RBFOX1: variants seen among roughly 807,000 people sequenced by gnomAD.
RBFOX1 encodes RNA binding protein fox-1 homolog 1.
RBFOX1 carries 8 observed loss-of-function variants against 57.7 expected under a neutral mutation model. That is an observed-to-expected ratio of 0.14 (90% CI 0.08 to 0.25). RBFOX1 has a LOEUF of 0.25. Among genes scored for constraint, RBFOX1 ranks in the 10% least tolerant of loss-of-function variants. The pLI, the probability that RBFOX1 is intolerant of heterozygous loss-of-function variation, is 1.00. For synonymous variants in RBFOX1, 326 were observed against 222.4 expected, an observed-to-expected ratio of 1.47 and a Z score of -4.15; for missense variants, 611 against 548.5, an observed-to-expected ratio of 1.11 and a Z score of -1.14.
chr16:6,719,427 T>G (rs535575888), intron 3 of RBFOX1, among the ~76,000 whole-genome samples: 1 of 149,578 alleles, frequency 6.7e-6, no homozygotes, highest in African/African-American at 2.5e-5. Context: ...CATAGTTTCC[T>G]CATCTTCAAA....
chr16:6,773,236 T>TTG (rs1214111066), intron 3 of RBFOX1, among the ~76,000 whole-genome samples: 31 of 60,802 alleles, frequency 5.1e-4, no homozygotes, highest in Admixed American at 1.5e-3. Context: ...TGGGGTGCAT[T>TTG]TGTGTGTGTG....
upstream of RBFOX1, among the ~76,000 whole-genome samples, chr16:6,016,608 T>C (rs1283423504): frequency 6.6e-6 from 1 of 152,238 alleles, no homozygotes; most frequent in Non-Finnish European, 1.5e-5. Context: ...TTGTTCTTTT[T>C]AAACCAGCTT....
chr16:5,303,422 C>T (rs1353291940), intron 1 of RBFOX1, among the ~76,000 whole-genome samples: 1 of 152,190 alleles, frequency 6.6e-6, no homozygotes, highest in African/African-American at 2.4e-5. Context: ...AGCTGTGTCT[C>T]TCTCTAGGGG....
intron 4 of RBFOX1, among the ~76,000 whole-genome samples, chr16:7,058,884 A>C (rs1336017739): frequency 6.6e-6 from 1 of 152,210 alleles, no homozygotes; most frequent in African/African-American, 2.4e-5. Context: ...TCATAATGTT[A>C]CATATTGCCC....
At chr16:5,871,902 C>T (rs1255650629) in intron 4 of RBFOX1, among the ~76,000 whole-genome samples, 7 of 152,176 alleles carry the variant, frequency 4.6e-5, no homozygotes, top group African/African-American at 1.7e-4. Context: ...GATATTACAG[C>T]TCTGCTATCC....
intron 4 of RBFOX1, among the ~76,000 whole-genome samples, chr16:7,479,182 G>C (rs1009572814): frequency 2.6e-5 from 4 of 151,512 alleles, no homozygotes; most frequent in Admixed American, 1.3e-4. Context: ...GGAGCGCAGT[G>C]GTGTGATCTC....
chr16:6,219,852 G>A (rs970421655), intron 1 of RBFOX1, among the ~76,000 whole-genome samples: 1 of 151,902 alleles, frequency 6.6e-6, no homozygotes, highest in Non-Finnish European at 1.5e-5. Flanking sequence ...CTCCAGATTG[G>A]GCAACAAGAG....
At chr16:7,521,557 C>T (rs1019289890) in intron 5 of RBFOX1, among the ~76,000 whole-genome samples, 7 of 152,106 alleles carry the variant, frequency 4.6e-5, no homozygotes, top group African/African-American at 1.7e-4. Context: ...GTTGGGTGTC[C>T]ACAGTGCCCC....
chr16:5,520,759 G>C (rs961801092), intron 2 of RBFOX1, among the ~76,000 whole-genome samples: 9 of 152,216 alleles, frequency 5.9e-5, no homozygotes, highest in African/African-American at 2.2e-4. Context: ...CTTAGGCTGT[G>C]TAATTTTGTC....
chr16:6,882,498 G>A (rs2063154414), intron 3 of RBFOX1, among the ~76,000 whole-genome samples: 1 of 152,098 alleles, frequency 6.6e-6, no homozygotes, highest in Non-Finnish European at 1.5e-5. Flanking sequence ...GGAGGGTGAG[G>A]CAGGAGAATC....
At chr16:6,205,526 G>A (rs371817257) in intron 1 of RBFOX1, among the ~76,000 whole-genome samples, 100 of 152,200 alleles carry the variant, frequency 6.6e-4, no homozygotes, top group African/African-American at 2.4e-3. Context: ...ATCTTTAACT[G>A]TTGTCAGATG....
At chr16:7,478,403 G>A (rs1384300623) in intron 4 of RBFOX1, among the ~76,000 whole-genome samples, 1 of 152,184 alleles carries the variant, frequency 6.6e-6, no homozygotes, top group East Asian at 1.9e-4. Context: ...AAGGGAGTGA[G>A]GAGTGGGAGG....
chr16:6,702,239 T>G (rs1276953926), intron 3 of RBFOX1, among the ~76,000 whole-genome samples: 2 of 152,040 alleles, frequency 1.3e-5, no homozygotes, highest in Non-Finnish European at 1.5e-5. Context: ...CATTTCAACA[T>G]GAGATATGGA....
intron 4 of RBFOX1, among the ~76,000 whole-genome samples, chr16:7,397,168 G>A (rs1237218068): frequency 6.6e-6 from 1 of 152,144 alleles, no homozygotes; most frequent in Admixed American, 6.5e-5. Flanking sequence ...TTACCAAAAT[G>A]TTACCATCTT....
chr16:5,910,692 A>G (rs2058582600), intron 4 of RBFOX1, among the ~76,000 whole-genome samples: 1 of 152,086 alleles, frequency 6.6e-6, no homozygotes, highest in South Asian at 2.1e-4. Flanking sequence ...TCAATGCCCC[A>G]CTTCTATTTT....
intron 4 of RBFOX1, among the ~76,000 whole-genome samples, chr16:7,118,235 A>T (rs1345692262): frequency 6.6e-6 from 1 of 152,132 alleles, no homozygotes; most frequent in African/African-American, 2.4e-5. Flanking sequence ...ATTTCACCAC[A>T]TCCATGCTAA....
chr16:6,468,114 T>C (rs989199400), intron 2 of RBFOX1, among the ~76,000 whole-genome samples: 19 of 152,162 alleles, frequency 1.2e-4, no homozygotes, highest in African/African-American at 4.1e-4. Context: ...AGAAATACTT[T>C]CTTGAAGTCA....
chr16:5,791,714 C>T (rs758234652), intron 3 of RBFOX1, among the ~76,000 whole-genome samples: 2 of 152,158 alleles, frequency 1.3e-5, no homozygotes, highest in Non-Finnish European at 2.9e-5. Context: ...AAAAAATTAG[C>T]ACACACACAC....
At chr16:7,386,282 G>A (rs2097879590) in intron 4 of RBFOX1, among the ~76,000 whole-genome samples, 1 of 152,108 alleles carries the variant, frequency 6.6e-6, no homozygotes, top group Non-Finnish European at 1.5e-5. Context: ...TGTGCAGAAT[G>A]TGCAGGTTTG....
Sources: allele counts gnomAD v4.1 joint callset (sites outside exome capture counted in the v4.1 genomes callset), GRCh38; gene constraint gnomAD v4.1.1; transcripts MANE v1.5; gene names NCBI Gene and HGNC (gene_info 2026-07-23, HGNC 2026-07-21).